Variants in ARHGAP18 observed in about 807,000 individuals in gnomAD.
ARHGAP18 encodes the protein Rho GTPase activating protein 18, also known as rho GTPase-activating protein 18.
A neutral mutation model predicts 86.2 loss-of-function variants in ARHGAP18; 67 were observed. That is an observed-to-expected ratio of 0.78 (90% CI 0.64 to 0.95). The LOEUF is 0.95. Among genes scored for constraint, ARHGAP18 ranks in the 40% least tolerant of loss-of-function variants. The pLI is 0.00. For missense variants in ARHGAP18, 691 were observed against 780.4 expected (o/e 0.89, Z 1.37); for synonymous variants, 283 against 280.4 (o/e 1.01, Z -0.09).
chr6:129,625,896 A>G (rs1363179300), intron 5 of ARHGAP18, among the ~76,000 whole-genome samples: 2 of 75,804 alleles, frequency 2.6e-5, no homozygotes, highest in Non-Finnish European at 5.1e-5. Context: ...ATTATATATT[A>G]TATATTTATA....
chr6:129,609,626 C>T (rs1788936729), intron 8 of ARHGAP18, among the ~76,000 whole-genome samples: 1 of 151,154 alleles, frequency 6.6e-6, no homozygotes, highest in African/African-American at 2.5e-5. Context: ...CTTAAAAGAA[C>T]TCGTCTCAGA....
rs986553718 is a variant in ARHGAP18 at position 129,600,624 on chromosome 6, C to A, written c.1572+18G>T. The A allele has an allele frequency of 2.5e-6, 4 of 1,582,056 alleles. No homozygotes were observed. The highest frequency in any genetic ancestry group is 3.5e-6 in the Non-Finnish European group (4 of 1,153,984). ...GTTTTTTAAACTACTAAGACCAAAG[C>A]ATATGATATATACTTACTGTCCACA... On this transcript the variant is annotated intron_variant, in intron 11 of 14. Coordinates refer to ENST00000368149, the MANE Select transcript of ARHGAP18 (RefSeq NM_033515.3).
At chr6:129,688,359 G>GTT (rs3063451) in intron 1 of ARHGAP18, among the ~76,000 whole-genome samples, 74,951 of 151,886 alleles carry the variant, frequency 0.49, 18,705 homozygotes, top group Admixed American at 0.56. Context: ...TAAAAATGAT[G>GTT]TAACATTATA....
chr6:129,688,721 G>A (rs1354246141), intron 1 of ARHGAP18, among the ~76,000 whole-genome samples: 1 of 152,118 alleles, frequency 6.6e-6, no homozygotes, highest in Non-Finnish European at 1.5e-5. Flanking sequence ...GAACCCAAGA[G>A]GCAGAGGTTG....
At chr6:129,676,962 A>T (rs1437003187) in intron 1 of ARHGAP18, among the ~76,000 whole-genome samples, 8 of 123,264 alleles carry the variant, frequency 6.5e-5, no homozygotes, top group African/African-American at 3.2e-5. Context: ...GAAGGAAAAT[A>T]GAGGATTCCG....
intron 1 of ARHGAP18, among the ~76,000 whole-genome samples, chr6:129,660,976 GAAGAAA>G (rs1773937991): frequency 7.9e-6 from 1 of 126,110 alleles, no homozygotes; most frequent in Non-Finnish European, 1.7e-5. Context: ...ACGGAACCAA[GAAGAAA>G]AGGAAGAGGA....
chr6:129,599,430 T>C (rs1360689637), intron 11 of ARHGAP18, 74 bp from the exon 12 acceptor site: 10 of 1,239,848 alleles, frequency 8.1e-6, no homozygotes, highest in African/African-American at 1.6e-5. Context: ...AAAAATTATA[T>C]TTTTTTAAAT....
At chr6:129,638,862 A>C (rs1773388553) in intron 2 of ARHGAP18, among the ~76,000 whole-genome samples, 1 of 152,202 alleles carries the variant, frequency 6.6e-6, no homozygotes, top group Non-Finnish European at 1.5e-5. Flanking sequence ...CATGTAATTA[A>C]CCTCTATAAC....
intron 8 of ARHGAP18, among the ~76,000 whole-genome samples, chr6:129,611,332 A>G (rs1788975061): frequency 6.6e-6 from 1 of 152,224 alleles, no homozygotes; most frequent in Admixed American, 6.5e-5. Flanking sequence ...GGTGATTTTG[A>G]AAACAAAACA....
At chr6:129,654,097 T>C (rs541966536) in intron 1 of ARHGAP18, among the ~76,000 whole-genome samples, 2 of 152,148 alleles carry the variant, frequency 1.3e-5, no homozygotes, top group Non-Finnish European at 2.9e-5. Flanking sequence ...TAAAAGCCAC[T>C]GAGCTTTGTT....
intron 1 of ARHGAP18, among the ~76,000 whole-genome samples, chr6:129,675,308 C>T (rs1330205948): frequency 2.0e-5 from 3 of 149,854 alleles, no homozygotes; most frequent in Admixed American, 6.7e-5. Context: ...GGCGGGAACC[C>T]GGGAGGCAGA....
At position 129,626,065 on chromosome 6, in the gene ARHGAP18, T is replaced by TATACAC. The variant is rs372412743; in HGVS notation, c.786+3287_786+3288insGTGTAT. On this transcript the variant is annotated intron_variant, in intron 5 of 14. Coordinates refer to ENST00000368149, the MANE Select transcript of ARHGAP18 (RefSeq NM_033515.3). ...ACACACACACATATATATACACATA[T>TATACAC]ACACACACACACACACACACACACA... 2.2e-4 allele frequency among the ~76,000 whole-genome samples: 22 copies of TATACAC among 101,540 alleles called. No individual in the cohort carries two copies. In the South Asian group the frequency reaches 5.1e-3, roughly 24 times the overall value. The allele number at this position is 101,540 out of a possible 152,430, so 66.6% of individuals were successfully genotyped here.
intron 5 of ARHGAP18, among the ~76,000 whole-genome samples, chr6:129,625,604 A>ATCT (rs1562697796): frequency 0.053 from 2,668 of 50,396 alleles, 256 homozygotes; most frequent in Non-Finnish European, 0.076. Flanking sequence ...TATATATTAT[A>ATCT]TATTATTATA....
intron 1 of ARHGAP18, among the ~76,000 whole-genome samples, chr6:129,670,625 C>A (rs867079467): frequency 1.8e-4 from 27 of 152,102 alleles, no homozygotes; most frequent in Middle Eastern, 3.4e-3. Context: ...GTCTCTTATA[C>A]CACCTACTTC....
intron 1 of ARHGAP18, among the ~76,000 whole-genome samples, chr6:129,662,669 G>C (rs955189927): frequency 2.0e-5 from 3 of 152,326 alleles, no homozygotes; most frequent in East Asian, 1.9e-4. Context: ...AAAGTTAGCT[G>C]TTTGGTTAAA....
chr6:129,692,699 C>T lies in ARHGAP18; in HGVS notation c.113+17325G>A, dbSNP rs138586186. Among the ~76,000 whole-genome samples, 103 of 152,248 alleles carry T rather than the reference C, an allele frequency of 6.8e-4. No homozygotes were observed. In the East Asian group the frequency reaches 0.019, roughly 27 times the overall value. On this transcript the variant is annotated intron_variant, in intron 1 of 14. Transcript: ENST00000368149. ...ACATGTCATACAGGGACACCTTGGCCTGGAAATCATCTATTTATAAAACAG... is the reference window on the plus strand; with the variant it reads ...ACATGTCATACAGGGACACCTTGGCTTGGAAATCATCTATTTATAAAACAG...
chr6:129,633,983 A>G (rs1247097585), intron 4 of ARHGAP18, 59 bp downstream of exon 4: 8 of 1,409,814 alleles, frequency 5.7e-6, no homozygotes, highest in Non-Finnish European at 7.8e-6. Flanking sequence ...TAAGACTGTA[A>G]CTGTTATACT....
At position 129,599,431 on chromosome 6, in the gene ARHGAP18, T is replaced by G. The variant is rs144231632; in HGVS notation, c.1573-75A>C. 807 of 1,246,290 alleles carry G rather than the reference T, an allele frequency of 6.5e-4. 7 individuals carry two copies. The African/African-American group carries it at 0.012, about 19-fold the overall frequency. 77.2% of individuals were successfully genotyped at this position (1,246,290 alleles called of 1,614,324 possible). A position where few individuals can be genotyped will look rare whatever the true frequency, so the allele number is the denominator to read the frequency against. ...TTTAAACTACAAAAAAAAATTATAT[T>G]TTTTTAAATTTCAAAAACAGTAAAG... On this transcript the variant is annotated intron_variant, in intron 11 of 14. Transcript: ENST00000368149.
chr6:129,663,369 C>G (rs1429990878), intron 1 of ARHGAP18, among the ~76,000 whole-genome samples: 1 of 152,198 alleles, frequency 6.6e-6, no homozygotes, highest in South Asian at 2.1e-4. Context: ...TCTGACAACA[C>G]AGGCTTTTTC....
Sources: gnomAD v4.1 joint callset for allele counts (sites outside exome capture counted in the v4.1 genomes callset) on GRCh38, gnomAD v4.1.1 for gene constraint, MANE v1.5 for transcripts, NCBI Gene and HGNC (gene_info 2026-07-23, HGNC 2026-07-21) for gene names.